The following SDK1 variants were observed in gnomAD, a reference collection of about 807,000 sequenced individuals.
SDK1 encodes protein sidekick-1.
SDK1 carries 157 observed loss-of-function variants against 245.5 expected under a neutral mutation model. The ratio of observed to expected loss-of-function variants is 0.64; its 90% CI spans 0.56 to 0.73. The LOEUF is 0.73. Among genes scored for constraint, SDK1 ranks in the 30% least tolerant of loss-of-function variants. The pLI is 0.00. For missense variants in SDK1, 3,583 were observed against 3,002.3 expected (o/e 1.19, Z -4.52); for synonymous variants, 1,647 against 1,278.5 (o/e 1.29, Z -6.15).
chr7:4,029,940 C>A (rs546219801), intron 17 of SDK1, among the ~76,000 whole-genome samples: 1 of 152,314 alleles, frequency 6.6e-6, no homozygotes, highest in African/African-American at 2.4e-5. Context: ...CAACCACTAA[C>A]GTGGCAGCAG....
At chr7:3,585,076 C>A (rs779583971) in intron 1 of SDK1, among the ~76,000 whole-genome samples, 1 of 152,126 alleles carries the variant, frequency 6.6e-6, no homozygotes, top group Admixed American at 6.6e-5. Flanking sequence ...GCTTCCTGTG[C>A]CTGTTTCCCT....
rs576223439 is a variant in SDK1 at position 4,040,536 on chromosome 7, A to G, written c.2603-8812A>G. Among the ~76,000 whole-genome samples the G allele has an allele frequency of 3.9e-5, 6 of 152,286 alleles. No homozygotes were observed. In the South Asian group the frequency reaches 1.2e-3, roughly 32 times the overall value. ...GGAGGTTTAATAGGCGAAAGAGAGAAGAGCTCTCTCCTGCAGAGGGGTCCG... is the reference window on the plus strand; with the variant it reads ...GGAGGTTTAATAGGCGAAAGAGAGAGGAGCTCTCTCCTGCAGAGGGGTCCG... On this transcript the variant is annotated intron_variant, in intron 17 of 44. Coordinates refer to ENST00000404826, the MANE Select transcript of SDK1 (RefSeq NM_152744.4).
At chr7:4,130,337 C>T (rs113233412) in intron 27 of SDK1, 35 of 538,438 alleles carry the variant, frequency 6.5e-5, no homozygotes, top group African/African-American at 2.8e-4. Context: ...ATAACTCTGC[C>T]GTGGGCAGTG....
At chr7:4,210,841 G>A (rs989389881) in intron 38 of SDK1, among the ~76,000 whole-genome samples, 1 of 152,210 alleles carries the variant, frequency 6.6e-6, no homozygotes, top group Non-Finnish European at 1.5e-5. Flanking sequence ...GCAAACAACA[G>A]CCCGAGCGTG....
intron 1 of SDK1, among the ~76,000 whole-genome samples, chr7:3,524,531 T>G (rs1783054540): frequency 1.3e-5 from 2 of 152,142 alleles, no homozygotes. Flanking sequence ...TTATGGAGTG[T>G]GTGTGTGTAT....
intron 2 of SDK1, among the ~76,000 whole-genome samples, chr7:3,628,984 C>G (rs895845994): frequency 6.6e-6 from 1 of 151,926 alleles, no homozygotes; most frequent in African/African-American, 2.4e-5. Context: ...TTTCTTAGGG[C>G]AGGGTACTGG....
intron 1 of SDK1, among the ~76,000 whole-genome samples, chr7:3,603,696 C>G (rs4503013): frequency 5.9e-5 from 9 of 152,142 alleles, no homozygotes; most frequent in African/African-American, 2.2e-4. Context: ...CCTGATTGCC[C>G]TGGCCAGAAC....
intron 2 of SDK1, among the ~76,000 whole-genome samples, chr7:3,633,306 C>T (rs1272156675): frequency 1.3e-5 from 2 of 152,154 alleles, no homozygotes; most frequent in Admixed American, 6.5e-5. Flanking sequence ...AGATTTTTTT[C>T]TTATGAATCA....
intron 1 of SDK1, among the ~76,000 whole-genome samples, chr7:3,581,055 T>C (rs1032509238): frequency 1.3e-5 from 2 of 150,748 alleles, no homozygotes; most frequent in African/African-American, 4.9e-5. Flanking sequence ...GAACTGGCGT[T>C]AATTGTATGA....
intron 5 of SDK1, among the ~76,000 whole-genome samples, chr7:3,825,442 A>C (rs1156521429): frequency 6.6e-6 from 1 of 152,136 alleles, no homozygotes; most frequent in Non-Finnish European, 1.5e-5. Flanking sequence ...TCCAATATTC[A>C]AAATGTCCAA....
intron 7 of SDK1, among the ~76,000 whole-genome samples, chr7:3,956,648 G>GCAGGC (rs1433768832): frequency 6.6e-6 from 1 of 152,244 alleles, no homozygotes; most frequent in African/African-American, 2.4e-5. Flanking sequence ...GCAGGCGGTG[G>GCAGGC]CAGGCTGCCC....
In SDK1 at chr7:3,346,439, A is replaced by G. The variant is rs546681177; in HGVS notation, c.298+44555A>G. Among the ~76,000 whole-genome samples, 4 of 152,240 alleles carry G rather than the reference A, an allele frequency of 2.6e-5. No homozygotes were observed. The South Asian group carries it at 8.3e-4, about 32-fold the overall frequency. ...ACGTACGTATGGTCCTGATCGATGA[A>G]GCTACTTCAGATTCCACAAGTGTGC... On this transcript the variant is annotated intron_variant, in intron 1 of 44. Transcript: ENST00000404826.
At chr7:3,923,370 C>G (rs1468406044) in intron 5 of SDK1, among the ~76,000 whole-genome samples, 2 of 152,096 alleles carry the variant, frequency 1.3e-5, no homozygotes, top group East Asian at 1.9e-4. Flanking sequence ...GCCTACAGTT[C>G]ACTGCAATTG....
intron 29 of SDK1, 29 bp from the exon 30 acceptor site, chr7:4,149,233 G>C (rs759171650): frequency 6.8e-7 from 1 of 1,463,560 alleles, no homozygotes; most frequent in Non-Finnish European, 9.0e-7. Flanking sequence ...CCTCTCACAT[G>C]TCCCTGGTCT....
chr7:3,494,023 C>T (rs905820276), intron 1 of SDK1, among the ~76,000 whole-genome samples: 5 of 152,126 alleles, frequency 3.3e-5, no homozygotes, highest in African/African-American at 1.2e-4. Flanking sequence ...CTGTATTATA[C>T]CTAGGTGAGT....
intron 4 of SDK1, among the ~76,000 whole-genome samples, chr7:3,813,998 G>C (rs1779448695): frequency 8.2e-6 from 1 of 122,416 alleles, no homozygotes; most frequent in East Asian, 2.2e-4. Flanking sequence ...GTTCATTGTA[G>C]ATTCTGGATA....
At chr7:3,814,293 G>A (rs1219278052) in intron 4 of SDK1, among the ~76,000 whole-genome samples, 2 of 149,438 alleles carry the variant, frequency 1.3e-5, no homozygotes, top group East Asian at 2.0e-4. Flanking sequence ...TTTTGTATAA[G>A]GTGTAAGGAA....
At chr7:3,708,304 C>G (rs113578027) in intron 4 of SDK1, among the ~76,000 whole-genome samples, 1 of 150,854 alleles carries the variant, frequency 6.6e-6, no homozygotes, top group African/African-American at 2.4e-5. Flanking sequence ...ACCAGGCCCT[C>G]CATACCTCCA....
chr7:3,967,500 T>A, intron 10 of SDK1, 66 bp downstream of exon 10: 9 of 939,060 alleles, frequency 9.6e-6, no homozygotes, highest in Non-Finnish European at 1.6e-5. Context: ...GGCCAGTGCT[T>A]GCTTCTTATT....
Sources: gnomAD v4.1 joint callset for allele counts (sites outside exome capture counted in the v4.1 genomes callset) on GRCh38, gnomAD v4.1.1 for gene constraint, MANE v1.5 for transcripts, NCBI Gene and HGNC (gene_info 2026-07-23, HGNC 2026-07-21) for gene names.